SV2C: variants seen among roughly 807,000 people sequenced by gnomAD.
SV2C encodes the protein synaptic vesicle glycoprotein 2C.
SV2C carries 49 observed loss-of-function variants against 79.7 expected under a neutral mutation model. The observed-to-expected ratio is 0.61, with a 90% CI of 0.49 to 0.78. The LOEUF is 0.78. SV2C is among the 30% of genes least tolerant of loss of function. SV2C has a pLI of 0.00. For missense variants in SV2C, 833 were observed against 912.9 expected (o/e 0.91, Z 1.13); for synonymous variants, 334 against 333.2 (o/e 1.00, Z -0.03).
At chr5:75,966,933 C>T in the SV2C span, among the ~76,000 whole-genome samples, 119 of 152,252 alleles carry the variant, frequency 7.8e-4, no homozygotes, top group Admixed American at 1.6e-3. Context: ...ACATGACTTG[C>T]GGCAACTTAC....
At chr5:75,943,214 G>A in the SV2C span, among the ~76,000 whole-genome samples, 1,254 of 152,256 alleles carry the variant, frequency 8.2e-3, 10 homozygotes, top group South Asian at 0.026. Context: ...GGGTGAAGAG[G>A]TCTCAAGCTC....
chr5:76,194,841 G>C (rs1744223235), intron 2 of SV2C, 78 bp from the exon 3 acceptor site: 1 of 1,521,684 alleles, frequency 6.6e-7, no homozygotes, highest in Non-Finnish European at 8.9e-7. Context: ...AATGTATTTT[G>C]TTCCTTGTTC....
intron 2 of SV2C, among the ~76,000 whole-genome samples, chr5:76,157,964 G>A (rs1419738014): frequency 6.6e-6 from 1 of 151,692 alleles, no homozygotes. Flanking sequence ...TAAAATTGGT[G>A]TAAATCTGAA....
At chr5:76,017,101 G>A in the SV2C span, among the ~76,000 whole-genome samples, 1 of 152,066 alleles carries the variant, frequency 6.6e-6, no homozygotes, top group African/African-American at 2.4e-5. Flanking sequence ...TTTGCCCTGG[G>A]CAATATTCAT....
At chr5:76,112,899 A>T (rs1352808679) in intron 1 of SV2C, among the ~76,000 whole-genome samples, 3 of 152,196 alleles carry the variant, frequency 2.0e-5, no homozygotes, top group Non-Finnish European at 2.9e-5. Flanking sequence ...TGTCAGGGAG[A>T]TAAGACACAA....
Position 76,209,731 on chromosome 5 carries a change from G to A in SV2C, c.762-5G>A, listed in dbSNP as rs1744711293. 6.2e-7 allele frequency: 1 copy of A among 1,613,388 alleles called. No individual in the cohort carries two copies. The highest frequency in any genetic ancestry group is 8.5e-7 in the Non-Finnish European group (1 of 1,179,638). On this transcript the variant is annotated splice_polypyrimidine_tract_variant and splice_region_variant and intron_variant, in intron 3 of 12. Transcript: ENST00000502798. ...ATTTCATGTATTCTCTGTACCTCTTGGCAGGATTGGAGGAGCCATACCCAC... is the reference window on the plus strand; with the variant it reads ...ATTTCATGTATTCTCTGTACCTCTTAGCAGGATTGGAGGAGCCATACCCAC...
At chr5:76,266,026 T>C (rs1030219386) in intron 4 of SV2C, among the ~76,000 whole-genome samples, 1 of 151,950 alleles carries the variant, frequency 6.6e-6, no homozygotes, top group Admixed American at 6.5e-5. Flanking sequence ...TATCTGAGCA[T>C]ATCTGAAAGG....
intron 3 of SV2C, among the ~76,000 whole-genome samples, chr5:76,198,449 CT>C (rs1744338323): frequency 6.6e-6 from 1 of 152,142 alleles, no homozygotes; most frequent in Admixed American, 6.5e-5. Flanking sequence ...GCCCTCTCTC[CT>C]GAGTGGAAGC....
chr5:75,954,003 A>T, the SV2C span, among the ~76,000 whole-genome samples: 5 of 151,974 alleles, frequency 3.3e-5, no homozygotes, highest in Admixed American at 6.6e-5. Context: ...AAAGGAGTAG[A>T]TTCTCAGGAT....
chr5:76,121,479 T>G (rs2112162258), intron 1 of SV2C, among the ~76,000 whole-genome samples: 1 of 151,774 alleles, frequency 6.6e-6, no homozygotes, highest in South Asian at 2.1e-4. Context: ...CTAGGTTTTC[T>G]TCTAGGGTTT....
chr5:76,234,862 C>G (rs1382867424), intron 4 of SV2C, among the ~76,000 whole-genome samples: 1 of 152,194 alleles, frequency 6.6e-6, no homozygotes. Context: ...GGATTTCACA[C>G]TGCTCATCCT....
chr5:76,307,448 T>C (rs902356613), intron 12 of SV2C, among the ~76,000 whole-genome samples: 1 of 151,182 alleles, frequency 6.6e-6, no homozygotes, highest in Non-Finnish European at 1.5e-5. Context: ...GAATCACCTG[T>C]TTTTTGGAAA....
the SV2C span, among the ~76,000 whole-genome samples, chr5:75,971,458 A>G: frequency 1.3e-5 from 2 of 152,132 alleles, no homozygotes; most frequent in African/African-American, 4.8e-5. Context: ...CCTTAAGCTG[A>G]TAAGCAACTT....
intron 4 of SV2C, among the ~76,000 whole-genome samples, chr5:76,210,587 G>T (rs753447507): frequency 2.0e-5 from 3 of 152,172 alleles, no homozygotes; most frequent in Non-Finnish European, 4.4e-5. Flanking sequence ...CAACCCAAAA[G>T]CTCTCCAAAC....
At chr5:75,911,357 A>G in the SV2C span, 2 of 1,269,442 alleles carry the variant, frequency 1.6e-6, no homozygotes, top group Non-Finnish European at 2.3e-6. Context: ...CGCACAGAAA[A>G]TGAAGGATCT....
At chr5:76,075,821 T>C in the SV2C span, 1 of 229,546 alleles carries the variant, frequency 4.4e-6, no homozygotes, top group Non-Finnish European at 9.4e-6. Context: ...GGGTGAATGA[T>C]GAATAACCCT....
the SV2C span, among the ~76,000 whole-genome samples, chr5:75,990,049 A>C: frequency 6.6e-6 from 1 of 151,664 alleles, no homozygotes; most frequent in Non-Finnish European, 1.5e-5. Context: ...TGTCAGGTGA[A>C]TAGATTGCAA....
chr5:75,955,044 C>T, the SV2C span, among the ~76,000 whole-genome samples: 1 of 144,532 alleles, frequency 6.9e-6, no homozygotes, highest in African/African-American at 2.8e-5. Context: ...GAAAAAACTA[C>T]TTTAAAGTTC....
At chr5:75,988,336 C>T in the SV2C span, among the ~76,000 whole-genome samples, 1 of 151,898 alleles carries the variant, frequency 6.6e-6, no homozygotes, top group African/African-American at 2.4e-5. Context: ...TAAAGTTTCC[C>T]GCTATGGTAA....
Sources: allele counts gnomAD v4.1 joint callset (sites outside exome capture counted in the v4.1 genomes callset), GRCh38; gene constraint gnomAD v4.1.1; transcripts MANE v1.5; gene names NCBI Gene and HGNC (gene_info 2026-07-23, HGNC 2026-07-21).